The following SF3B3 variants were observed in gnomAD, a reference collection of about 807,000 sequenced individuals.
The protein encoded by SF3B3 is SAP 130.
SF3B3 carries 33 observed loss-of-function variants against 139.2 expected under a neutral mutation model. The observed-to-expected ratio is 0.24, with a 90% CI of 0.18 to 0.32. The LOEUF is 0.32. Ranked by LOEUF, SF3B3 falls within the 10% of genes least tolerant of loss-of-function variation. The probability of loss-of-function intolerance (pLI) is 1.00; values close to 1 mark genes in which losing one functional copy is unlikely to be tolerated. For synonymous variants in SF3B3, 596 were observed against 563.6 expected (o/e 1.06, Z -0.81); for missense variants, 818 against 1,509.4 (o/e 0.54, Z 7.59).
At chr16:70,525,197 T>G (rs1292359509) in intron 1 of SF3B3, among the ~76,000 whole-genome samples, 1 of 151,902 alleles carries the variant, frequency 6.6e-6, no homozygotes, top group Non-Finnish European at 1.5e-5. Flanking sequence ...GCCCGGCTAG[T>G]TTTTGCATTT....
At chr16:70,540,457 A>G (rs911654092) in intron 8 of SF3B3, among the ~76,000 whole-genome samples, 2 of 151,924 alleles carry the variant, frequency 1.3e-5, no homozygotes, top group African/African-American at 4.8e-5. Flanking sequence ...CAGGGGTGCA[A>G]TCTCGGCTCA....
chr16:70,538,093 A>G lies in SF3B3; in HGVS notation c.826-230A>G, dbSNP rs574421744. 23 of 688,486 alleles carry G rather than the reference A, an allele frequency of 3.3e-5. No homozygotes were observed. The East Asian group carries it at 4.1e-4, about 12-fold the overall frequency. The allele number at this position is 688,486 out of a possible 1,614,324, so 42.6% of individuals were successfully genotyped here. On this transcript the variant is annotated intron_variant, in intron 6 of 25. Transcript: ENST00000302516. ...CAGTTTTTGCCTTATGAATCTGATCAGGCTGTAGAGTGGAATTGGGACTCT... is the reference window on the plus strand; with the variant it reads ...CAGTTTTTGCCTTATGAATCTGATCGGGCTGTAGAGTGGAATTGGGACTCT...
chr16:70,570,215 A>C, intron 24 of SF3B3, 66 bp downstream of exon 24: 1 of 1,497,342 alleles, frequency 6.7e-7, no homozygotes, highest in East Asian at 2.3e-5. Context: ...GATCTACCTA[A>C]GAGGTCAAAT....
intron 16 of SF3B3, among the ~76,000 whole-genome samples, chr16:70,561,048 TCTCA>T (rs1448589143): frequency 6.6e-6 from 1 of 151,774 alleles, no homozygotes; most frequent in Non-Finnish European, 1.5e-5. Flanking sequence ...TGAGATGGAG[TCTCA>T]CTCTGTCGCC....
intron 9 of SF3B3, among the ~76,000 whole-genome samples, chr16:70,542,897 A>G (rs868700300): frequency 7.9e-5 from 12 of 151,252 alleles, no homozygotes; most frequent in Admixed American, 1.3e-4. Flanking sequence ...AATTTTTTGT[A>G]TTTTTAGTAG....
Position 70,570,164 on chromosome 16 carries a change from A to G in SF3B3, c.3408+15A>G. On this transcript the variant is annotated intron_variant, in intron 24 of 25. Coordinates refer to ENST00000302516, the MANE Select transcript of SF3B3 (RefSeq NM_012426.5). ...CGTCCCATGAGGTGAGAGCGCCCAC[A>G]TTACTCTGGCCTTGACTTTTAAGGT... 6.2e-7 allele frequency: 1 copy of G among 1,613,822 alleles called. No homozygotes were observed. The highest frequency in any genetic ancestry group is 8.5e-7 in the Non-Finnish European group (1 of 1,179,872).
chr16:70,565,808 T>C (rs1475903013), intron 20 of SF3B3: 2 of 320,154 alleles, frequency 6.2e-6, no homozygotes, highest in Non-Finnish European at 1.2e-5. Context: ...GTGACCAAAA[T>C]TCAGCAGTTT....
intron 17 of SF3B3, 87 bp from the exon 18 acceptor site, chr16:70,563,788 CG>C: frequency 8.1e-7 from 1 of 1,234,296 alleles, no homozygotes; most frequent in Non-Finnish European, 1.2e-6. Flanking sequence ...CAGGGATTGA[CG>C]TGTTTGCTGA....
At chr16:70,536,531 ATT>A (rs58664231) in intron 6 of SF3B3, among the ~76,000 whole-genome samples, 2 of 143,614 alleles carry the variant, frequency 1.4e-5, no homozygotes. Flanking sequence ...CGCCCGGCTA[ATT>A]TTTTTTTTTT....
intron 13 of SF3B3, among the ~76,000 whole-genome samples, chr16:70,555,937 G>A (rs1245906906): frequency 6.6e-6 from 1 of 152,166 alleles, no homozygotes; most frequent in Admixed American, 6.5e-5. Context: ...CCTTGTCAAA[G>A]GTCTGTTCAT....
At position 70,526,587 on chromosome 16, in the gene SF3B3, CTTT is replaced by C; in HGVS notation, c.-69_-67del. On this transcript the variant is annotated splice_region_variant and 5_prime_UTR_variant, in exon 2 of 26. Transcript: ENST00000302516. ...ATTTTTCTGTTTTCTGTTTTCTTAG[CTTT>C]CTTGGACTCCGTACTGTTGGTGTAA... The C allele has an allele frequency of 9.4e-7, 1 of 1,059,910 alleles. No homozygotes were observed. Among genetic ancestry groups the C allele is most frequent in the Non-Finnish European group, 1.4e-6 (1 of 705,998 alleles). The allele number at this position is 1,059,910 out of a possible 1,614,324, so 65.7% of individuals were successfully genotyped here.
chr16:70,565,688 T>TACCAGCACATGGAAAATGCTG, intron 20 of SF3B3, 164 bp downstream of exon 20: 3 of 635,602 alleles, frequency 4.7e-6, no homozygotes, highest in Non-Finnish European at 8.1e-6. Flanking sequence ...GTGATGTTCT[T>TACCAGCACATGGAAAATGCTG]GTGCCTGTGC....
chr16:70,556,771 T>G, intron 14 of SF3B3, 115 bp from the exon 15 acceptor site: 1 of 1,175,386 alleles, frequency 8.5e-7, no homozygotes. Context: ...ACTCCCCGGG[T>G]TTTTTCTGTG....
At chr16:70,568,519 G>C (rs1192305655) in intron 22 of SF3B3, 24 bp downstream of exon 22, 1 of 1,584,460 alleles carries the variant, frequency 6.3e-7, no homozygotes, top group Non-Finnish European at 8.7e-7. Flanking sequence ...GTTAACTTGG[G>C]TTACAGTGAT....
intron 2 of SF3B3, among the ~76,000 whole-genome samples, chr16:70,527,475 G>A (rs1018106114): frequency 6.6e-6 from 1 of 152,170 alleles, no homozygotes. Flanking sequence ...ACTTAATGTG[G>A]TACTGAATAC....
At chr16:70,533,467 G>A (rs927689837) in intron 5 of SF3B3, among the ~76,000 whole-genome samples, 1 of 152,172 alleles carries the variant, frequency 6.6e-6, no homozygotes, top group Non-Finnish European at 1.5e-5. Context: ...AAATTTGCAG[G>A]CTAGTTCATA....
Position 70,530,875 on chromosome 16 carries a change from A to G in SF3B3, c.528A>G (p.Gly176=). The part of the protein sequence containing the change: ...LVYHVVGVDV[G]FENPMFACLE... ...ATCATGTAGTTGGAGTAGATGTCGG[A>G]TTTGAAAATCCAATGTTTGCTTGTC... Residue 176 remains glycine (G), a synonymous_variant, in exon 4 of 26, where the codon GGA becomes GGG. Transcript: ENST00000302516. The G allele has an allele frequency of 6.2e-7, 1 of 1,613,708 alleles. No individual in the cohort carries two copies. Among genetic ancestry groups the G allele is most frequent in the Non-Finnish European group, 8.5e-7 (1 of 1,179,910 alleles).
intron 8 of SF3B3, among the ~76,000 whole-genome samples, chr16:70,540,916 C>G (rs2050213888): frequency 6.6e-6 from 1 of 152,138 alleles, no homozygotes; most frequent in African/African-American, 2.4e-5. Context: ...TGTTGCTGTG[C>G]TAATACCTAT....
intron 18 of SF3B3, 151 bp downstream of exon 18, chr16:70,564,201 C>T: frequency 5.5e-6 from 4 of 721,022 alleles, no homozygotes; most frequent in Non-Finnish European, 8.9e-6. Flanking sequence ...CAAAACTGCA[C>T]CTCTATTAAA....
Sources: allele counts gnomAD v4.1 joint callset (sites outside exome capture counted in the v4.1 genomes callset), GRCh38; gene constraint gnomAD v4.1.1; transcripts MANE v1.5; gene names NCBI Gene and HGNC (gene_info 2026-07-23, HGNC 2026-07-21).